IGF2BP3: variants seen among roughly 807,000 people sequenced by gnomAD.
IGF2BP3 encodes insulin-like growth factor 2 mRNA-binding protein 3.
A neutral mutation model predicts 73.8 loss-of-function variants in IGF2BP3; 9 were observed. That is an observed-to-expected ratio of 0.12 (90% CI 0.07 to 0.21). The LOEUF (loss-of-function observed/expected upper bound fraction) is 0.21, where lower values mean the gene tolerates loss of function less well. Ranked by LOEUF, IGF2BP3 falls within the 10% of genes least tolerant of loss-of-function variation. The pLI, the probability that IGF2BP3 is intolerant of heterozygous loss-of-function variation, is 1.00. For missense variants in IGF2BP3, 542 were observed against 714.0 expected, an observed-to-expected ratio of 0.76 and a Z score of 2.75; for synonymous variants, 258 against 256.7, an observed-to-expected ratio of 1.01 and a Z score of -0.05.
Position 23,470,223 on chromosome 7 carries a change from A to G in IGF2BP3, c.-113T>C. On this transcript the variant is annotated 5_prime_UTR_variant, in exon 1 of 15. Coordinates refer to ENST00000258729, the MANE Select transcript of IGF2BP3 (RefSeq NM_006547.3). Reference sequence around the variant, plus strand: ...GTTCCCCTCGTCTTCTCGCCTTTAAAATACACAAACACAGTAAGAACCAAG... The same window carrying G: ...GTTCCCCTCGTCTTCTCGCCTTTAAGATACACAAACACAGTAAGAACCAAG... 1.2e-6 allele frequency: 1 copy of G among 801,312 alleles called. No homozygotes were observed. The allele number at this position is 801,312 out of a possible 1,614,324, so 49.6% of individuals were successfully genotyped here.
intron 3 of IGF2BP3, chr7:23,415,354 T>G (rs1291137524): frequency 1.7e-4 from 37 of 223,592 alleles, no homozygotes; most frequent in Non-Finnish European, 2.9e-4. Flanking sequence ...GTCCCGTCCA[T>G]CAGTCGGCAT....
intron 2 of IGF2BP3, among the ~76,000 whole-genome samples, chr7:23,462,387 A>C (rs1788469689): frequency 6.8e-6 from 1 of 146,904 alleles, no homozygotes; most frequent in Non-Finnish European, 1.5e-5. Context: ...TTTGAGACGG[A>C]GTCTTGCTCT....
At chr7:23,450,675 T>C (rs758204199) in intron 2 of IGF2BP3, 1 of 152,178 alleles carries the variant, frequency 6.6e-6, no homozygotes, top group Non-Finnish European at 1.5e-5. Flanking sequence ...ACAGCTCTTT[T>C]AGAATTTGTC....
intron 2 of IGF2BP3, among the ~76,000 whole-genome samples, chr7:23,433,551 G>C (rs1480934475): frequency 6.6e-6 from 1 of 150,458 alleles, no homozygotes; most frequent in Non-Finnish European, 1.5e-5. Context: ...CACGACCATA[G>C]CTCACTGCAG....
At chr7:23,371,174 CA>C (rs1391024209) in intron 3 of IGF2BP3, among the ~76,000 whole-genome samples, 2 of 152,064 alleles carry the variant, frequency 1.3e-5, no homozygotes, top group Admixed American at 6.6e-5. Flanking sequence ...CACACACACA[CA>C]CACCCTTCCA....
intron 3 of IGF2BP3, among the ~76,000 whole-genome samples, chr7:23,406,412 C>T (rs539426028): frequency 1.8e-4 from 28 of 152,172 alleles, no homozygotes; most frequent in African/African-American, 2.6e-4. Context: ...AGAATGAAGC[C>T]GTGGACTCCC....
intron 3 of IGF2BP3, among the ~76,000 whole-genome samples, chr7:23,395,609 C>A (rs943800941): frequency 8.0e-5 from 12 of 150,474 alleles, no homozygotes; most frequent in African/African-American, 2.9e-4. Context: ...CCCCACCCCC[C>A]CAAAAAAAGA....
At chr7:23,339,248 AG>A (rs1381336488) in intron 10 of IGF2BP3, among the ~76,000 whole-genome samples, 1 of 152,244 alleles carries the variant, frequency 6.6e-6, no homozygotes, top group Non-Finnish European at 1.5e-5. Flanking sequence ...CTTTTATTTA[AG>A]TAAACATCAC....
chr7:23,345,040 TC>T (rs1784797419), intron 8 of IGF2BP3, among the ~76,000 whole-genome samples: 1 of 152,204 alleles, frequency 6.6e-6, no homozygotes, highest in African/African-American at 2.4e-5. Context: ...GGGGTTTTTT[TC>T]CCCCTTTCTT....
At chr7:23,341,171 C>G (rs1198458947) in intron 10 of IGF2BP3, among the ~76,000 whole-genome samples, 4 of 151,556 alleles carry the variant, frequency 2.6e-5, no homozygotes, top group Admixed American at 6.6e-5. Context: ...TCTTATATAA[C>G]CTACCTCTTT....
At chr7:23,380,354 G>A (rs1312001843) in intron 3 of IGF2BP3, among the ~76,000 whole-genome samples, 19 of 151,678 alleles carry the variant, frequency 1.3e-4, no homozygotes, top group East Asian at 5.8e-4. Flanking sequence ...TAGTAGAGAC[G>A]GGGTTTCACT....
chr7:23,458,624 C>G (rs1402742292), intron 2 of IGF2BP3, among the ~76,000 whole-genome samples: 2 of 152,144 alleles, frequency 1.3e-5, no homozygotes, highest in Non-Finnish European at 2.9e-5. Flanking sequence ...CTTTAGGCCC[C>G]TCTCCAACTT....
intron 2 of IGF2BP3, among the ~76,000 whole-genome samples, chr7:23,434,196 C>T (rs1787755144): frequency 1.3e-5 from 2 of 151,484 alleles, no homozygotes; most frequent in South Asian, 4.2e-4. Flanking sequence ...TTTAAGATTA[C>T]TAAACTTTTA....
At chr7:23,357,296 G>A (rs962766367) in intron 5 of IGF2BP3, among the ~76,000 whole-genome samples, 3 of 148,980 alleles carry the variant, frequency 2.0e-5, no homozygotes, top group Non-Finnish European at 3.0e-5. Flanking sequence ...TTTTTGAGAC[G>A]GAGTTTTGCT....
intron 14 of IGF2BP3, 109 bp from the exon 15 acceptor site, chr7:23,312,569 T>TA (rs1292375594): frequency 2.1e-6 from 2 of 944,140 alleles, no homozygotes; most frequent in Admixed American, 3.9e-5. Flanking sequence ...TGATTAAAGA[T>TA]ACATACTAGT....
chr7:23,353,989 G>A (rs1785030233), intron 5 of IGF2BP3, among the ~76,000 whole-genome samples: 1 of 152,194 alleles, frequency 6.6e-6, no homozygotes, highest in South Asian at 2.1e-4. Flanking sequence ...TTTCAAAACA[G>A]CTTTATTTAT....
At chr7:23,363,607 G>C (rs1157849942) in intron 3 of IGF2BP3, among the ~76,000 whole-genome samples, 1 of 151,864 alleles carries the variant, frequency 6.6e-6, no homozygotes, top group East Asian at 1.9e-4. Context: ...ATTTTTATTT[G>C]GTAAATTTCC....
chr7:23,388,931 C>T (rs1036729767), intron 3 of IGF2BP3, among the ~76,000 whole-genome samples: 1 of 152,098 alleles, frequency 6.6e-6, no homozygotes. Flanking sequence ...AGTATATCTA[C>T]ACAACAAACC....
chr7:23,401,072 C>G (rs1240283604), intron 3 of IGF2BP3, among the ~76,000 whole-genome samples: 1 of 152,218 alleles, frequency 6.6e-6, no homozygotes, highest in African/African-American at 2.4e-5. Context: ...GCTGGAATTA[C>G]AGGTGTGAGC....
Sources: gnomAD v4.1 joint callset for allele counts (sites outside exome capture counted in the v4.1 genomes callset) on GRCh38, gnomAD v4.1.1 for gene constraint, MANE v1.5 for transcripts, NCBI Gene and HGNC (gene_info 2026-07-23, HGNC 2026-07-21) for gene names.